Variants in ATP2C1 observed in about 807,000 individuals in gnomAD.
The protein encoded by ATP2C1 is ATPase secretory pathway Ca2+ transporting 1, also known as calcium-transporting ATPase type 2C member 1.
Under a neutral mutation model 120.5 loss-of-function variants are expected in ATP2C1, and 31 were observed. The observed-to-expected ratio is 0.26, with a 90% CI of 0.19 to 0.35. The LOEUF is 0.35. Ranked by LOEUF, ATP2C1 falls within the 10% of genes least tolerant of loss-of-function variation. The pLI is 1.00. For synonymous variants in ATP2C1, 351 were observed against 358.7 expected, an observed-to-expected ratio of 0.98 and a Z score of 0.24; for missense variants, 731 against 1,107.5, an observed-to-expected ratio of 0.66 and a Z score of 4.83.
chr3:130,854,480 T>C (rs1180183682), intron 1 of ATP2C1, among the ~76,000 whole-genome samples: 2 of 152,188 alleles, frequency 1.3e-5, no homozygotes, highest in African/African-American at 4.8e-5. Flanking sequence ...TGTTGGTGTC[T>C]AGTTTATAAG....
intron 2 of ATP2C1, among the ~76,000 whole-genome samples, chr3:130,925,824 T>G (rs549031965): frequency 2.1e-3 from 323 of 151,070 alleles, no homozygotes; most frequent in Non-Finnish European, 3.9e-3. Flanking sequence ...GAGGGTGTGG[T>G]TCCCAGTCCA....
At chr3:130,987,539 C>T (rs1023546508) in intron 20 of ATP2C1, among the ~76,000 whole-genome samples, 1 of 152,038 alleles carries the variant, frequency 6.6e-6, no homozygotes, top group Non-Finnish European at 1.5e-5. Flanking sequence ...CTGTGTTGCC[C>T]AGGTTGGTCT....
intron 1 of ATP2C1, among the ~76,000 whole-genome samples, chr3:130,880,957 C>T (rs2068761495): frequency 6.6e-6 from 1 of 152,160 alleles, no homozygotes; most frequent in Non-Finnish European, 1.5e-5. Context: ...CAAGTTCAGA[C>T]ACAGAAGAAA....
chr3:130,876,200 C>T (rs1310789942), intron 1 of ATP2C1, among the ~76,000 whole-genome samples: 2 of 151,778 alleles, frequency 1.3e-5, no homozygotes, highest in Non-Finnish European at 2.9e-5. Flanking sequence ...AAATTTTTTC[C>T]TAGACCAATG....
intron 20 of ATP2C1, among the ~76,000 whole-genome samples, chr3:130,987,729 C>T (rs1476744247): frequency 6.6e-6 from 1 of 152,190 alleles, no homozygotes; most frequent in Non-Finnish European, 1.5e-5. Flanking sequence ...TTGACATTTT[C>T]CCCCATGTAC....
intron 1 of ATP2C1, among the ~76,000 whole-genome samples, chr3:130,872,653 C>T (rs536728093): frequency 2.6e-5 from 4 of 151,754 alleles, no homozygotes; most frequent in African/African-American, 4.8e-5. Context: ...GGCACGAAAT[C>T]GGCTCACTGC....
chr3:130,994,522 T>A (rs2062509862), intron 22 of ATP2C1, among the ~76,000 whole-genome samples: 1 of 152,198 alleles, frequency 6.6e-6, no homozygotes, highest in African/African-American at 2.4e-5. Context: ...CCTCATTTAA[T>A]GTTATAATTT....
At chr3:130,866,046 C>CT (rs910915047) in intron 1 of ATP2C1, among the ~76,000 whole-genome samples, 3 of 152,116 alleles carry the variant, frequency 2.0e-5, no homozygotes, top group Admixed American at 1.3e-4. Flanking sequence ...TAGAATCCTC[C>CT]TTTTTTGATT....
At chr3:130,883,283 T>C (rs2068844175) in intron 1 of ATP2C1, among the ~76,000 whole-genome samples, 1 of 152,196 alleles carries the variant, frequency 6.6e-6, no homozygotes, top group Non-Finnish European at 1.5e-5. Context: ...TGTTCATCTT[T>C]TCAAAAGACT....
intron 2 of ATP2C1, among the ~76,000 whole-genome samples, chr3:130,916,120 TG>T (rs1312855341): frequency 6.6e-6 from 1 of 151,704 alleles, no homozygotes; most frequent in Non-Finnish European, 1.5e-5. Flanking sequence ...TAAAGTGAGG[TG>T]GAGGCCAGGC....
In ATP2C1 at chr3:130,852,860, T is replaced by C. The variant is rs964881740; in HGVS notation, c.108+1932T>C. 3.9e-5 allele frequency among the ~76,000 whole-genome samples: 6 copies of C among 152,212 alleles called. 1 individual carries two copies. The highest frequency in any genetic ancestry group is 5.9e-5 in the Non-Finnish European group (4 of 68,028). On this transcript the variant is annotated intron_variant, in intron 1 of 26. Transcript: ENST00000504381. ...TAGAGCCCTTAAGAGCCCTTGCCCA[T>C]GCAGCTAGAAAGTACCAGAGGAAGA... is the stretch of plus-strand genomic sequence containing the variant.
intron 8 of ATP2C1, among the ~76,000 whole-genome samples, chr3:130,942,230 T>C (rs1559953760): frequency 6.6e-6 from 1 of 152,340 alleles, no homozygotes; most frequent in East Asian, 1.9e-4. Context: ...TGTATGAAAC[T>C]CTGTTGGGAC....
At chr3:130,954,263 TTTAG>T (rs1279569909) in intron 9 of ATP2C1, among the ~76,000 whole-genome samples, 1 of 152,226 alleles carries the variant, frequency 6.6e-6, no homozygotes, top group African/African-American at 2.4e-5. Flanking sequence ...TAAATTTTAA[TTTAG>T]TTAATATGAT....
At chr3:130,941,439 G>A (rs1001164630) in intron 7 of ATP2C1, 152 bp from the exon 8 acceptor site, 4 of 668,328 alleles carry the variant, frequency 6.0e-6, no homozygotes, top group Non-Finnish European at 1.1e-5. Context: ...GTTATTTTCT[G>A]TCATCTTGGC....
In ATP2C1 at chr3:131,002,923, G is replaced by A. The variant is rs997233440; in HGVS notation, c.*1573G>A. The A allele has an allele frequency of 1.0e-4, 100 of 985,652 alleles. No homozygotes were observed. The highest frequency in any genetic ancestry group is 1.2e-4 in the Non-Finnish European group (97 of 829,902). 61.1% of individuals were successfully genotyped at this position (985,652 alleles called of 1,614,324 possible). A position where few individuals can be genotyped will look rare whatever the true frequency, so the allele number is the denominator to read the frequency against. ...GTACATTGTTCCATGTCGTTAGATG[G>A]AACATGGAAGCCATTGTCTAATCAA... On this transcript the variant is annotated 3_prime_UTR_variant, in exon 28 of 28. Coordinates refer to ENST00000510168, the MANE Select transcript of ATP2C1 (RefSeq NM_001378687.1).
chr3:130,909,427 A>T (rs1559909015), intron 2 of ATP2C1, among the ~76,000 whole-genome samples: 1 of 152,176 alleles, frequency 6.6e-6, no homozygotes, highest in Non-Finnish European at 1.5e-5. Flanking sequence ...TTTATTTAGA[A>T]ATCTTTATTG....
At chr3:130,904,162 C>T (rs1222104663) in intron 2 of ATP2C1, among the ~76,000 whole-genome samples, 1 of 151,874 alleles carries the variant, frequency 6.6e-6, no homozygotes, top group African/African-American at 2.4e-5. Context: ...ACAAAGAGGT[C>T]CTGGATATCT....
At chr3:130,972,824 A>C (rs866421128) in intron 17 of ATP2C1, among the ~76,000 whole-genome samples, 13 of 151,866 alleles carry the variant, frequency 8.6e-5, no homozygotes, top group African/African-American at 2.9e-4. Flanking sequence ...ATAGTATTCC[A>C]TGGTGTATTA....
Position 131,001,405 on chromosome 3 carries a change from A to G in ATP2C1, c.*55A>G. 6.3e-7 allele frequency: 1 copy of G among 1,599,816 alleles called. No individual in the cohort carries two copies. Among genetic ancestry groups the G allele is most frequent in the Admixed American group, 1.7e-5 (1 of 59,242 alleles). On this transcript the variant is annotated 3_prime_UTR_variant, in exon 28 of 28. Coordinates refer to ENST00000510168, the MANE Select transcript of ATP2C1 (RefSeq NM_001378687.1). Reference sequence around the variant, plus strand: ...AGGAATTGCAGTCTGAGGATCATTTAGAAGGGCAAGTTCAAGAGGATATGA... The same window carrying G: ...AGGAATTGCAGTCTGAGGATCATTTGGAAGGGCAAGTTCAAGAGGATATGA...
Sources: gnomAD v4.1 joint callset for allele counts (sites outside exome capture counted in the v4.1 genomes callset) on GRCh38, gnomAD v4.1.1 for gene constraint, MANE v1.5 for transcripts, NCBI Gene and HGNC (gene_info 2026-07-23, HGNC 2026-07-21) for gene names.